Variants in SLC24A3 observed in about 807,000 individuals in gnomAD.
SLC24A3 encodes the protein solute carrier family 24 member 3.
A neutral mutation model predicts 75.8 loss-of-function variants in SLC24A3; 28 were observed. The observed-to-expected ratio is 0.37, with a 90% CI of 0.27 to 0.51. SLC24A3 has a LOEUF of 0.51. SLC24A3 is among the 20% of genes least tolerant of loss of function. The pLI is 0.94. For synonymous variants in SLC24A3, 372 were observed against 334.1 expected, an observed-to-expected ratio of 1.11 and a Z score of -1.24; for missense variants, 663 against 847.8, an observed-to-expected ratio of 0.78 and a Z score of 2.71.
intron 2 of SLC24A3, among the ~76,000 whole-genome samples, chr20:19,463,049 A>C (rs922087188): frequency 1.3e-5 from 2 of 152,122 alleles, no homozygotes; most frequent in Non-Finnish European, 2.9e-5. Flanking sequence ...CCAGTTTCCC[A>C]AGGACTTCTA....
At chr20:19,329,835 T>G (rs1170256336) in intron 2 of SLC24A3, among the ~76,000 whole-genome samples, 1 of 152,182 alleles carries the variant, frequency 6.6e-6, no homozygotes, top group Non-Finnish European at 1.5e-5. Flanking sequence ...ACACAGTGAG[T>G]GCTAGCCTTT....
chr20:19,218,272 A>G (rs773637670), intron 1 of SLC24A3, among the ~76,000 whole-genome samples: 10 of 152,208 alleles, frequency 6.6e-5, no homozygotes, highest in Non-Finnish European at 1.3e-4. Flanking sequence ...TTTGCCATTG[A>G]TAATAGAATT....
At chr20:19,713,474 G>A (rs979906084) in intron 15 of SLC24A3, among the ~76,000 whole-genome samples, 5 of 152,162 alleles carry the variant, frequency 3.3e-5, no homozygotes, top group African/African-American at 1.2e-4. Context: ...AGTCCCTGCT[G>A]CCCCACAGAA....
chr20:19,683,520 C>T (rs1299342682), intron 10 of SLC24A3, among the ~76,000 whole-genome samples: 1 of 152,242 alleles, frequency 6.6e-6, no homozygotes, highest in Non-Finnish European at 1.5e-5. Flanking sequence ...GAACAACTCA[C>T]CCAACACTTG....
chr20:19,556,034 C>T (rs570815727), intron 3 of SLC24A3, among the ~76,000 whole-genome samples: 72 of 152,190 alleles, frequency 4.7e-4, no homozygotes, highest in African/African-American at 1.7e-3. Flanking sequence ...TTCAGAGATG[C>T]CACCTTTTTG....
At chr20:19,504,308 G>T (rs753849172) in intron 2 of SLC24A3, among the ~76,000 whole-genome samples, 2 of 152,028 alleles carry the variant, frequency 1.3e-5, no homozygotes, top group Non-Finnish European at 2.9e-5. Flanking sequence ...AACCATAAAG[G>T]TTACTTCCAC....
At chr20:19,638,042 T>C (rs552806162) in intron 6 of SLC24A3, among the ~76,000 whole-genome samples, 2 of 152,320 alleles carry the variant, frequency 1.3e-5, no homozygotes, top group African/African-American at 2.4e-5. Context: ...CCTGCATCTA[T>C]AGACCCATCC....
At chr20:19,462,413 C>T (rs761886891) in intron 2 of SLC24A3, among the ~76,000 whole-genome samples, 9 of 150,054 alleles carry the variant, frequency 6.0e-5, no homozygotes, top group East Asian at 3.9e-4. Flanking sequence ...CCTGACACCA[C>T]GCCCGGCTAA....
At chr20:19,232,047 C>T (rs983335453) in intron 1 of SLC24A3, among the ~76,000 whole-genome samples, 3 of 152,096 alleles carry the variant, frequency 2.0e-5, no homozygotes, top group African/African-American at 4.8e-5. Context: ...AATTTTTTTC[C>T]CAGGTGACAT....
chr20:19,553,091 CTCCT>C (rs527538054), intron 3 of SLC24A3, among the ~76,000 whole-genome samples: 9,390 of 128,860 alleles, frequency 0.073, 483 homozygotes, highest in Middle Eastern at 0.12. Context: ...CCCTCCCTCC[CTCCT>C]TCCTTCCTTC....
At chr20:19,657,083 A>G (rs980894099) in intron 7 of SLC24A3, among the ~76,000 whole-genome samples, 2 of 152,206 alleles carry the variant, frequency 1.3e-5, no homozygotes, top group African/African-American at 4.8e-5. Context: ...TCCATATTTC[A>G]TTCAGACAGC....
chr20:19,625,690 G>T (rs1247725806), intron 6 of SLC24A3, among the ~76,000 whole-genome samples: 5 of 152,068 alleles, frequency 3.3e-5, no homozygotes, highest in Non-Finnish European at 5.9e-5. Context: ...CTAAATCCAA[G>T]TTTCTATAGT....
chr20:19,630,794 G>T (rs2031923479), intron 6 of SLC24A3, among the ~76,000 whole-genome samples: 1 of 152,164 alleles, frequency 6.6e-6, no homozygotes, highest in Non-Finnish European at 1.5e-5. Context: ...GACTGACTTT[G>T]TACCTAGAGC....
At chr20:19,284,374 A>T (rs181545414) in intron 2 of SLC24A3, 37 of 152,968 alleles carry the variant, frequency 2.4e-4, no homozygotes, top group African/African-American at 8.7e-4. Flanking sequence ...GGGCACAATG[A>T]ATACTACTTG....
intron 2 of SLC24A3, among the ~76,000 whole-genome samples, chr20:19,465,984 A>G (rs1329874558): frequency 1.3e-5 from 2 of 152,170 alleles, no homozygotes; most frequent in East Asian, 3.8e-4. Context: ...CTCTTTAGGT[A>G]GTCATTCTCC....
intron 2 of SLC24A3, among the ~76,000 whole-genome samples, chr20:19,309,234 C>T (rs1984401701): frequency 6.6e-6 from 1 of 152,158 alleles, no homozygotes; most frequent in African/African-American, 2.4e-5. Context: ...ACTTGAAATC[C>T]AGTTCCTCTC....
At chr20:19,259,457 C>G (rs2122192269) in intron 1 of SLC24A3, among the ~76,000 whole-genome samples, 1 of 152,316 alleles carries the variant, frequency 6.6e-6, no homozygotes. Context: ...GGCCTTTAAT[C>G]ATAGTAGAAA....
chr20:19,270,532 A>G (rs1213981488), intron 1 of SLC24A3, among the ~76,000 whole-genome samples: 1 of 152,114 alleles, frequency 6.6e-6, no homozygotes, highest in Admixed American at 6.5e-5. Context: ...TGAATTGCAT[A>G]CTGATATATT....
chr20:19,534,138 T>G (rs967416176), intron 3 of SLC24A3, among the ~76,000 whole-genome samples: 9 of 152,260 alleles, frequency 5.9e-5, no homozygotes, highest in Non-Finnish European at 1.3e-4. Flanking sequence ...ATAGCAAAGC[T>G]TGGTATTTGT....
Sources: allele counts gnomAD v4.1 joint callset (sites outside exome capture counted in the v4.1 genomes callset), GRCh38; gene constraint gnomAD v4.1.1; transcripts MANE v1.5; gene names NCBI Gene and HGNC (gene_info 2026-07-23, HGNC 2026-07-21).